The following USP25 variants were observed in gnomAD, a reference collection of about 807,000 sequenced individuals.
The protein encoded by USP25 is ubiquitin specific peptidase 25.
USP25 carries 85 observed loss-of-function variants against 158.5 expected under a neutral mutation model. That is an observed-to-expected ratio of 0.54 (90% CI 0.45 to 0.64). USP25 has a LOEUF of 0.64. Among genes scored for constraint, USP25 ranks in the 30% least tolerant of loss-of-function variants. USP25 has a pLI of 0.00. For missense variants in USP25, 1,242 were observed against 1,327.3 expected (o/e 0.94, Z 1.00); for synonymous variants, 464 against 460.4 (o/e 1.01, Z -0.10).
chr21:15,833,372 A>C lies in USP25; in HGVS notation c.2018A>C (p.Gln673Pro). Residue 673 changes from glutamine (Q) to proline (P), a missense_variant, in exon 17 of 26, where the codon CAG becomes CCG. Around this residue, in one of 3 missense-constraint regions of USP25, gnomAD observed 608 missense variants for 605.2 expected, o/e 1.00. Coordinates refer to ENST00000400183, the MANE Select transcript of USP25 (RefSeq NM_001283041.3). ...IQEEFNKETG[Q>P]PLVGIETLPP... ...GAGGAGTTTAATAAAGAAACTGGGC[A>C]GCCCCTTGTTGGTATAGAAACATTA... 6.2e-7 allele frequency: 1 copy of C among 1,613,692 alleles called. No homozygotes were observed. The highest frequency in any genetic ancestry group is 8.5e-7 in the Non-Finnish European group (1 of 1,179,814).
chr21:15,762,470 A>T (rs2033788482), intron 1 of USP25, among the ~76,000 whole-genome samples: 1 of 152,184 alleles, frequency 6.6e-6, no homozygotes, highest in South Asian at 2.1e-4. Flanking sequence ...AGTAGATCTG[A>T]AGATCTCCGT....
At chr21:15,802,184 A>T (rs928929320) in intron 6 of USP25, among the ~76,000 whole-genome samples, 2 of 151,610 alleles carry the variant, frequency 1.3e-5, no homozygotes, top group Admixed American at 1.3e-4. Context: ...AGGTTATATT[A>T]TTTAAAGTCT....
chr21:15,735,113 C>G (rs926002572), intron 1 of USP25, among the ~76,000 whole-genome samples: 2 of 152,160 alleles, frequency 1.3e-5, no homozygotes, highest in Admixed American at 1.3e-4. Flanking sequence ...AATGTTGTAT[C>G]GTTTTGGCTG....
At chr21:15,877,645 T>C (rs2146619991) in intron 24 of USP25, 151 bp from the exon 25 acceptor site, 1 of 579,298 alleles carries the variant, frequency 1.7e-6, no homozygotes, top group Admixed American at 3.6e-5. Context: ...TTTTCAGTTC[T>C]AGATAGGTTG....
At chr21:15,750,216 T>TA (rs1568757063) in intron 1 of USP25, among the ~76,000 whole-genome samples, 29 of 8,600 alleles carry the variant, frequency 3.4e-3, no homozygotes, top group African/African-American at 4.1e-3. Context: ...GTGTGTATGT[T>TA]TTTTTTTTTT....
chr21:15,865,786 A>C (rs543551220), intron 21 of USP25, among the ~76,000 whole-genome samples: 1 of 152,146 alleles, frequency 6.6e-6, no homozygotes, highest in Non-Finnish European at 1.5e-5. Context: ...ATGTGAATAA[A>C]TACATTTCGT....
intron 17 of USP25, among the ~76,000 whole-genome samples, chr21:15,841,549 C>T (rs2038336310): frequency 6.6e-6 from 1 of 152,042 alleles, no homozygotes; most frequent in Non-Finnish European, 1.5e-5. Flanking sequence ...ATTCTTCCAC[C>T]TGGAAAAACA....
chr21:15,818,934 A>G, intron 10 of USP25, 88 bp downstream of exon 10: 1 of 1,399,538 alleles, frequency 7.1e-7, no homozygotes, highest in South Asian at 1.5e-5. Flanking sequence ...TTATAGAGCT[A>G]CCTAATAATT....
At chr21:15,798,211 C>G (rs1370301172) in intron 5 of USP25, among the ~76,000 whole-genome samples, 1 of 151,260 alleles carries the variant, frequency 6.6e-6, no homozygotes, top group African/African-American at 2.4e-5. Flanking sequence ...GGCAACCTTT[C>G]ATGATATTGC....
In USP25 at chr21:15,826,201, CAG is replaced by C; in HGVS notation, c.1305-1_1305del. On this transcript the variant is annotated splice_acceptor_variant, in intron 12 of 25. Coordinates refer to ENST00000400183, the MANE Select transcript of USP25 (RefSeq NM_001283041.3). LOFTEE classifies it high-confidence loss of function. This position sits in a 1 kb window ranked among gnomAD's most constrained non-coding sequence, Gnocchi z 4.8. ...AAGCATTTGTACATTTTATGATTAA[CAG>C]ATATTTAAGCTATGGTTCCGGTCCC... is the stretch of plus-strand genomic sequence containing the variant. The C allele has an allele frequency of 6.2e-7, 1 of 1,613,248 alleles. No homozygotes were observed.
chr21:15,772,996 GTTACAA>G (rs199847901), intron 3 of USP25, among the ~76,000 whole-genome samples: 2,295 of 152,216 alleles, frequency 0.015, 46 homozygotes, highest in African/African-American at 0.052. Context: ...GAAGAAAATT[GTTACAA>G]TTACAATGAA....
chr21:15,752,662 A>C (rs1055232047), intron 1 of USP25, among the ~76,000 whole-genome samples: 1 of 152,184 alleles, frequency 6.6e-6, no homozygotes, highest in Non-Finnish European at 1.5e-5. Flanking sequence ...TTTGCTAGCT[A>C]TTTCTCATAA....
In USP25 at chr21:15,870,073, G is replaced by A. The variant is rs2039821330; in HGVS notation, c.2811G>A (p.Trp937Ter). The change falls in exon 23 of 26, where the codon TGG (tryptophan) becomes TGA (stop). Residue 937 changes from tryptophan (W) to a stop codon, truncating the protein, a stop_gained. Transcript: ENST00000400183. LOFTEE classifies it high-confidence loss of function. Reference sequence around the variant, plus strand: ...ATATTTTCTTTCACCTACAGGAGTGGCATCAGGATTATAGGAAATTCAGGG... The same window carrying A: ...ATATTTTCTTTCACCTACAGGAGTGACATCAGGATTATAGGAAATTCAGGG... ...EEVNLEEYEEWHQDYRKFRET... is the reference protein window; with the variant it reads ...EEVNLEEYEE 6.2e-7 allele frequency: 1 copy of A among 1,604,448 alleles called. No homozygotes were observed. Among genetic ancestry groups the A allele is most frequent in the African/African-American group, 1.3e-5 (1 of 74,280 alleles).
At chr21:15,818,147 A>C (rs2037043728) in intron 9 of USP25, among the ~76,000 whole-genome samples, 1 of 152,106 alleles carries the variant, frequency 6.6e-6, no homozygotes, top group African/African-American at 2.4e-5. Context: ...CTCATTATTC[A>C]AGTCTGAGCT....
At chr21:15,732,037 TG>T (rs1293707232) in intron 1 of USP25, among the ~76,000 whole-genome samples, 1 of 152,258 alleles carries the variant, frequency 6.6e-6, no homozygotes, top group African/African-American at 2.4e-5. Context: ...TTGACTAAAC[TG>T]TATTAAATAA....
At chr21:15,858,317 G>T (rs1401147887) in intron 20 of USP25, among the ~76,000 whole-genome samples, 1 of 151,802 alleles carries the variant, frequency 6.6e-6, no homozygotes, top group Non-Finnish European at 1.5e-5. Context: ...AAAGGAACAT[G>T]ATACGCCTTT....
At position 15,738,778 on chromosome 21, in the gene USP25, G is replaced by T. The variant is rs147663145; in HGVS notation, c.45+8340G>T. 2.4e-3 allele frequency among the ~76,000 whole-genome samples: 360 copies of T among 152,262 alleles called. 5 individuals carry two copies. The highest frequency in any genetic ancestry group is 8.4e-3 in the African/African-American group (349 of 41,544). ...CAGAAATGAAATCCACAAGCAGACA[G>T]CCCAGGGCCACACCCTGGGCCTGGT... On this transcript the variant is annotated intron_variant, in intron 1 of 25. Coordinates refer to ENST00000400183, the MANE Select transcript of USP25 (RefSeq NM_001283041.3).
chr21:15,866,031 A>G (rs1046461994), intron 21 of USP25, among the ~76,000 whole-genome samples: 1 of 152,120 alleles, frequency 6.6e-6, no homozygotes, highest in Non-Finnish European at 1.5e-5. Context: ...TAAAAGCCAT[A>G]TATCAATACA....
At chr21:15,756,312 C>T (rs2123354614) in intron 1 of USP25, among the ~76,000 whole-genome samples, 1 of 152,238 alleles carries the variant, frequency 6.6e-6, no homozygotes, top group South Asian at 2.1e-4. Context: ...AACGGGGAGG[C>T]AGGAGAATGT....
Sources: allele counts gnomAD v4.1 joint callset (sites outside exome capture counted in the v4.1 genomes callset), GRCh38; gene constraint gnomAD v4.1.1; regional missense constraint gnomAD v4.1.1; non-coding constraint Gnocchi (gnomAD v3.1); transcripts MANE v1.5; gene names NCBI Gene and HGNC (gene_info 2026-07-23, HGNC 2026-07-21).